COL22A1: variants seen among roughly 807,000 people sequenced by gnomAD.
COL22A1 encodes the protein collagen type XXII alpha 1 chain, also known as collagen alpha-1(XXII) chain.
A neutral mutation model predicts 248.9 loss-of-function variants in COL22A1; 221 were observed. That is an observed-to-expected ratio of 0.89 (90% CI 0.80 to 0.99). The LOEUF is 0.99. COL22A1 is among the 50% of genes least tolerant of loss of function. The pLI is 0.00. For missense variants in COL22A1, 2,240 were observed against 2,179.0 expected (o/e 1.03, Z -0.56); for synonymous variants, 891 against 793.4 (o/e 1.12, Z -2.07).
At chr8:138,685,548 T>C (rs757804015) in intron 37 of COL22A1, among the ~76,000 whole-genome samples, 19 of 152,184 alleles carry the variant, frequency 1.2e-4, no homozygotes, top group Non-Finnish European at 1.9e-4. Context: ...TGCACAGATG[T>C]GATTAAAGTT....
chr8:138,731,733 T>A (rs1015919389), intron 23 of COL22A1, among the ~76,000 whole-genome samples: 1 of 152,050 alleles, frequency 6.6e-6, no homozygotes, highest in Non-Finnish European at 1.5e-5. Flanking sequence ...GGCTGAGGGA[T>A]CCCAGAAAGC....
At chr8:138,737,163 G>T (rs891882960) in intron 23 of COL22A1, among the ~76,000 whole-genome samples, 2 of 152,204 alleles carry the variant, frequency 1.3e-5, no homozygotes, top group African/African-American at 4.8e-5. Context: ...CTGGCTGGCA[G>T]TGCCTTGTCT....
At position 138,778,383 on chromosome 8, in the gene COL22A1, G is replaced by A. The variant is rs769238867; in HGVS notation, c.1728C>T (p.Leu576=). The change falls in exon 15 of 65, where the codon CTC becomes CTT. Residue 576 remains leucine, a synonymous_variant. Transcript: ENST00000303045. Reference sequence around the variant, plus strand: ...CTCCGACACGTCCAGGAGGTCCGGGGAGTCCAGGTGGTCCTTGGGGCCCCT... The same window carrying A: ...CTCCGACACGTCCAGGAGGTCCGGGAAGTCCAGGTGGTCCTTGGGGCCCCT... ...GMRGPQGPPG[L]PGPPGRVGAP... 1 of 1,609,764 alleles carries A rather than the reference G, an allele frequency of 6.2e-7. No individual in the cohort carries two copies. Among genetic ancestry groups the A allele is most frequent in the Non-Finnish European group, 8.5e-7 (1 of 1,178,712 alleles).
chr8:138,664,610 C>A (rs1282438560), intron 41 of COL22A1, among the ~76,000 whole-genome samples: 1 of 152,098 alleles, frequency 6.6e-6, no homozygotes, highest in South Asian at 2.1e-4. Flanking sequence ...GACTGAAAGT[C>A]CAGCATTGTT....
intron 56 of COL22A1, among the ~76,000 whole-genome samples, chr8:138,611,863 G>A (rs1263934842): frequency 2.0e-5 from 3 of 152,216 alleles, no homozygotes; most frequent in African/African-American, 4.8e-5. Flanking sequence ...GCCCATGCTT[G>A]TCCACAGTAG....
intron 3 of COL22A1, among the ~76,000 whole-genome samples, chr8:138,857,111 G>A (rs1292017590): frequency 1.3e-5 from 2 of 151,688 alleles, no homozygotes; most frequent in African/African-American, 4.8e-5. Context: ...GGCTGGATCC[G>A]CCTGCACTCC....
intron 41 of COL22A1, among the ~76,000 whole-genome samples, chr8:138,674,387 CT>C (rs2130790158): frequency 6.6e-6 from 1 of 152,310 alleles, no homozygotes; most frequent in African/African-American, 2.4e-5. Context: ...CTCAGCATAT[CT>C]TTGCACACTC....
intron 47 of COL22A1, among the ~76,000 whole-genome samples, chr8:138,645,323 G>A (rs557451373): frequency 6.6e-6 from 1 of 152,242 alleles, no homozygotes; most frequent in East Asian, 1.9e-4. Flanking sequence ...CTCCCATAAA[G>A]GGAGTCTCCC....
intron 4 of COL22A1, among the ~76,000 whole-genome samples, chr8:138,833,810 G>C (rs1394444221): frequency 6.6e-6 from 1 of 152,120 alleles, no homozygotes; most frequent in Non-Finnish European, 1.5e-5. Flanking sequence ...GAGGGTCAAG[G>C]GTAAGGACGG....
chr8:138,694,932 T>C (rs1244208213), intron 32 of COL22A1, 53 bp from the exon 33 acceptor site: 18 of 1,575,582 alleles, frequency 1.1e-5, no homozygotes, highest in Non-Finnish European at 2.6e-6. Flanking sequence ...CTGCCCCTCG[T>C]CACAGGGTAC....
chr8:138,855,292 T>A (rs1419477061), intron 3 of COL22A1, among the ~76,000 whole-genome samples: 1 of 152,208 alleles, frequency 6.6e-6, no homozygotes, highest in African/African-American at 2.4e-5. Context: ...TTCTCATGGC[T>A]ATTGTTTGTT....
chr8:138,888,186 G>A (rs1044437642), intron 1 of COL22A1, among the ~76,000 whole-genome samples: 2 of 152,186 alleles, frequency 1.3e-5, no homozygotes, highest in African/African-American at 4.8e-5. Context: ...ATGACACTGA[G>A]CCTACCCTGC....
intron 1 of COL22A1, among the ~76,000 whole-genome samples, chr8:138,900,927 T>C (rs2132155439): frequency 6.6e-6 from 1 of 152,286 alleles, no homozygotes; most frequent in South Asian, 2.1e-4. Context: ...GGTCATGTGA[T>C]AGAAGGTGAC....
At chr8:138,844,688 C>A (rs1045135349) in intron 3 of COL22A1, among the ~76,000 whole-genome samples, 1 of 152,172 alleles carries the variant, frequency 6.6e-6, no homozygotes, top group Admixed American at 6.5e-5. Flanking sequence ...CGGTGGCTCA[C>A]GCCTGTAATC....
chr8:138,722,835 C>G (rs987121986), intron 25 of COL22A1, among the ~76,000 whole-genome samples: 1 of 41,152 alleles, frequency 2.4e-5, no homozygotes, highest in Admixed American at 3.7e-4. Context: ...TAAATGATAT[C>G]GGGTCACATG....
intron 4 of COL22A1, among the ~76,000 whole-genome samples, chr8:138,833,942 AT>A (rs1321840968): frequency 6.6e-6 from 1 of 152,172 alleles, no homozygotes; most frequent in East Asian, 1.9e-4. Context: ...CTCTGTGATA[AT>A]TGTGTAAGAC....
intron 45 of COL22A1, among the ~76,000 whole-genome samples, chr8:138,652,636 T>A (rs1395568404): frequency 1.3e-5 from 2 of 151,842 alleles, no homozygotes; most frequent in Non-Finnish European, 2.9e-5. Flanking sequence ...ACAAAGTGCC[T>A]AGCATATTTC....
chr8:138,895,332 A>C (rs1825328978), intron 1 of COL22A1, among the ~76,000 whole-genome samples: 1 of 152,216 alleles, frequency 6.6e-6, no homozygotes, highest in Admixed American at 6.5e-5. Context: ...ACTGATTCCA[A>C]CGCTGGAATA....
intron 49 of COL22A1, among the ~76,000 whole-genome samples, chr8:138,634,797 A>AT (rs1290172357): frequency 6.6e-5 from 10 of 152,080 alleles, no homozygotes; most frequent in African/African-American, 2.4e-4. Context: ...CATCACTCTA[A>AT]TTGCATGGTC....
Sources: allele counts gnomAD v4.1 joint callset (sites outside exome capture counted in the v4.1 genomes callset), GRCh38; gene constraint gnomAD v4.1.1; transcripts MANE v1.5; gene names NCBI Gene and HGNC (gene_info 2026-07-23, HGNC 2026-07-21).